ATP8B1: variants seen among roughly 807,000 people sequenced by gnomAD.
The protein encoded by ATP8B1 is phospholipid-transporting ATPase IC.
Under a neutral mutation model 149.9 loss-of-function variants are expected in ATP8B1, and 80 were observed. The ratio of observed to expected loss-of-function variants is 0.53; its 90% confidence interval spans 0.45 to 0.64. The LOEUF is 0.64. ATP8B1 is among the 30% of genes least tolerant of loss of function. The probability of loss-of-function intolerance (pLI) is 0.00; values close to 1 mark genes in which losing one functional copy is unlikely to be tolerated. For missense variants in ATP8B1, 1,247 were observed against 1,552.6 expected, an observed-to-expected ratio of 0.80 and a Z score of 3.31; for synonymous variants, 536 against 562.8, an observed-to-expected ratio of 0.95 and a Z score of 0.67.
At chr18:57,762,563 A>G (rs989125607) in intron 1 of ATP8B1, among the ~76,000 whole-genome samples, 2 of 152,196 alleles carry the variant, frequency 1.3e-5, no homozygotes, top group Non-Finnish European at 2.9e-5. Flanking sequence ...TAGTTGAAAG[A>G]ATGCCCTCTT....
intron 8 of ATP8B1, among the ~76,000 whole-genome samples, chr18:57,696,260 T>C (rs1004226609): frequency 4.6e-5 from 7 of 152,114 alleles, no homozygotes; most frequent in Non-Finnish European, 1.5e-5. Flanking sequence ...AGTTTTATAG[T>C]TGAGAATAAA....
At chr18:57,776,591 C>A (rs1431148788) in intron 1 of ATP8B1, among the ~76,000 whole-genome samples, 1 of 151,938 alleles carries the variant, frequency 6.6e-6, no homozygotes, top group Admixed American at 6.6e-5. Context: ...AAACAGCAAG[C>A]CCTTTTCTTT....
At chr18:57,732,916 T>C (rs1476549023) in intron 1 of ATP8B1, among the ~76,000 whole-genome samples, 3 of 152,194 alleles carry the variant, frequency 2.0e-5, no homozygotes, top group South Asian at 4.1e-4. Flanking sequence ...CTAAGATATC[T>C]GGTTTCTGCT....
chr18:57,747,232 C>T (rs2079973019), intron 1 of ATP8B1, among the ~76,000 whole-genome samples: 1 of 152,114 alleles, frequency 6.6e-6, no homozygotes, highest in African/African-American at 2.4e-5. Flanking sequence ...GTGGGTGGAT[C>T]ACCTAAGGTC....
chr18:57,796,842 A>T (rs2080520183), intron 1 of ATP8B1, among the ~76,000 whole-genome samples: 1 of 152,194 alleles, frequency 6.6e-6, no homozygotes, highest in Non-Finnish European at 1.5e-5. Flanking sequence ...GTGTGCCACC[A>T]GGGTTTCACC....
At chr18:57,762,866 T>G (rs2080170529) in intron 1 of ATP8B1, among the ~76,000 whole-genome samples, 1 of 152,192 alleles carries the variant, frequency 6.6e-6, no homozygotes, top group Non-Finnish European at 1.5e-5. Flanking sequence ...AATTCAAGGC[T>G]GTGTCTTTAC....
intron 1 of ATP8B1, among the ~76,000 whole-genome samples, chr18:57,757,379 C>T (rs2123304592): frequency 6.6e-6 from 1 of 152,286 alleles, no homozygotes. Context: ...CCCAGTACCC[C>T]TGGTTCCTTT....
At chr18:57,717,205 C>T (rs1379576322) in intron 2 of ATP8B1, among the ~76,000 whole-genome samples, 2 of 151,932 alleles carry the variant, frequency 1.3e-5, no homozygotes, top group Non-Finnish European at 2.9e-5. Flanking sequence ...GCTATACGTG[C>T]CTACATCAAA....
intron 16 of ATP8B1, among the ~76,000 whole-genome samples, chr18:57,672,931 T>TATATAA (rs1301236712): frequency 0.012 from 395 of 33,076 alleles, 12 homozygotes; most frequent in East Asian, 0.016. Context: ...TATATATATA[T>TATATAA]AACATGTATA....
intron 1 of ATP8B1, among the ~76,000 whole-genome samples, chr18:57,747,501 A>C (rs1487104707): frequency 6.6e-6 from 1 of 151,768 alleles, no homozygotes. Flanking sequence ...GGCTCTCCTT[A>C]GTGATCTGTA....
intron 2 of ATP8B1, among the ~76,000 whole-genome samples, chr18:57,707,364 A>G (rs1913458100): frequency 6.6e-6 from 1 of 152,174 alleles, no homozygotes; most frequent in Non-Finnish European, 1.5e-5. Flanking sequence ...GTTCTCCATG[A>G]ACATGCATGC....
intron 1 of ATP8B1, among the ~76,000 whole-genome samples, chr18:57,789,714 C>T (rs2080443025): frequency 6.6e-6 from 1 of 152,232 alleles, no homozygotes; most frequent in Admixed American, 6.5e-5. Context: ...CAGCCCTCCA[C>T]CCTGTCATCT....
At chr18:57,663,080 T>A (rs1480554382) in intron 20 of ATP8B1, among the ~76,000 whole-genome samples, 1 of 152,148 alleles carries the variant, frequency 6.6e-6, no homozygotes, top group Non-Finnish European at 1.5e-5. Flanking sequence ...TATTAAACAA[T>A]AACACCTCAC....
rs975476899 is a variant in ATP8B1 at position 57,684,289 on chromosome 18, G to A, written c.1474-97C>T. 4 of 1,305,120 alleles carry A rather than the reference G, an allele frequency of 3.1e-6. No homozygotes were observed. The South Asian group carries it at 3.9e-5, about 13-fold the overall frequency. 80.8% of individuals were successfully genotyped at this position (1,305,120 alleles called of 1,614,324 possible). A position where few individuals can be genotyped will look rare whatever the true frequency, so the allele number is the denominator to read the frequency against. On this transcript the variant is annotated intron_variant, in intron 14 of 27. Transcript: ENST00000648908. ...TCTTCAAAGGCAAGGTTTCAATTAT[G>A]CAAAAACCACCTTAGGATTTTAGCA...
At chr18:57,713,157 C>CTCTT (rs760611716) in intron 2 of ATP8B1, among the ~76,000 whole-genome samples, 1,201 of 92,056 alleles carry the variant, frequency 0.013, 87 homozygotes, top group African/African-American at 0.019. Flanking sequence ...CTTGATCTTT[C>CTCTT]TCTTTCTTTC....
intron 1 of ATP8B1, among the ~76,000 whole-genome samples, chr18:57,752,708 A>C (rs952462341): frequency 1.3e-5 from 2 of 152,224 alleles, no homozygotes; most frequent in African/African-American, 2.4e-5. Context: ...AAAACAATAA[A>C]AACTTTTATA....
At chr18:57,654,245 G>A (rs536037992) in intron 23 of ATP8B1, among the ~76,000 whole-genome samples, 170 bp from the exon 24 acceptor site, 5 of 152,024 alleles carry the variant, frequency 3.3e-5, no homozygotes, top group African/African-American at 9.6e-5. Context: ...GGCCTTAAGC[G>A]ATCTCCCCAT....
chr18:57,692,583 G>C (rs1311144796), intron 11 of ATP8B1, among the ~76,000 whole-genome samples: 1 of 151,708 alleles, frequency 6.6e-6, no homozygotes, highest in African/African-American at 2.4e-5. Context: ...TTACAGGCAC[G>C]CGCCACCAAG....
At chr18:57,717,722 G>C (rs565267567) in intron 2 of ATP8B1, among the ~76,000 whole-genome samples, 1 of 151,350 alleles carries the variant, frequency 6.6e-6, no homozygotes, top group East Asian at 1.9e-4. Flanking sequence ...ACGGTTTTTT[G>C]TTTTGGTTTG....
Sources: allele counts gnomAD v4.1 joint callset (sites outside exome capture counted in the v4.1 genomes callset), GRCh38; gene constraint gnomAD v4.1.1; transcripts MANE v1.5; gene names NCBI Gene and HGNC (gene_info 2026-07-23, HGNC 2026-07-21).